Variants in PIK3C3 observed in about 807,000 individuals in gnomAD.
The protein encoded by PIK3C3 is phosphatidylinositol 3-kinase catalytic subunit type 3.
In PIK3C3, 95 loss-of-function variants were observed where a neutral mutation model predicts 126.1. The ratio of observed to expected loss-of-function variants is 0.75; its 90% CI spans 0.64 to 0.89. The LOEUF (loss-of-function observed/expected upper bound fraction) is 0.89, where lower values mean the gene tolerates loss of function less well. PIK3C3 is among the 40% of genes least tolerant of loss of function. The probability of loss-of-function intolerance (pLI) is 0.00; values close to 1 mark genes in which losing one functional copy is unlikely to be tolerated. For missense variants in PIK3C3, 829 were observed against 1,063.2 expected (o/e 0.78, Z 3.06); for synonymous variants, 374 against 360.0 (o/e 1.04, Z -0.44).
chr18:42,037,411 T>C (rs1362604512), intron 16 of PIK3C3, among the ~76,000 whole-genome samples: 2 of 152,354 alleles, frequency 1.3e-5, no homozygotes, highest in South Asian at 4.1e-4. Flanking sequence ...TTAAAGGATA[T>C]GCATAAGACT....
rs1251977194 is a variant in PIK3C3, at chr18:42,049,590, T to C, written c.2248T>C (p.Leu750=). 6.2e-7 allele frequency: 1 copy of C among 1,612,726 alleles called. No individual in the cohort carries two copies. The highest frequency in any genetic ancestry group is 8.5e-7 in the Non-Finnish European group (1 of 1,178,732). ...TGGAGACAGGCACCTGGATAACCTT[T>C]TGCTAACAAAAACAGGTAACAATTA... The part of the protein sequence containing the change: ...GVGDRHLDNL[L]LTKTGKLFHI... The change falls in exon 21 of 25, where the codon TTG becomes CTG. Residue 750 remains leucine (L), a synonymous_variant. Transcript: ENST00000262039.
chr18:42,080,901 C>T (rs1006139149), intron 24 of PIK3C3, among the ~76,000 whole-genome samples: 1 of 152,150 alleles, frequency 6.6e-6, no homozygotes, highest in African/African-American at 2.4e-5. Flanking sequence ...AGTCAGCAGA[C>T]ACCCTCTCCT....
intron 6 of PIK3C3, among the ~76,000 whole-genome samples, chr18:41,991,864 A>G (rs1359744421): frequency 3.3e-5 from 5 of 152,204 alleles, no homozygotes; most frequent in African/African-American, 7.2e-5. Flanking sequence ...CATCAAAACA[A>G]GGGAAATGTG....
At chr18:41,967,794 T>G (rs1443358987) in intron 3 of PIK3C3, among the ~76,000 whole-genome samples, 1 of 152,200 alleles carries the variant, frequency 6.6e-6, no homozygotes, top group Non-Finnish European at 1.5e-5. Flanking sequence ...TTGCAGTTGT[T>G]TTTTCTAAAT....
At chr18:42,051,476 A>G (rs1024752815) in intron 21 of PIK3C3, among the ~76,000 whole-genome samples, 14 of 151,946 alleles carry the variant, frequency 9.2e-5, no homozygotes. Flanking sequence ...AGAATAATCT[A>G]TTAATATAAT....
At chr18:42,080,345 T>G (rs755266445) in intron 24 of PIK3C3, among the ~76,000 whole-genome samples, 3 of 152,192 alleles carry the variant, frequency 2.0e-5, no homozygotes, top group Non-Finnish European at 4.4e-5. Context: ...ATTTTTCACA[T>G]TTGTACATGT....
chr18:42,049,137 A>C (rs1294257754), intron 20 of PIK3C3, among the ~76,000 whole-genome samples: 1 of 152,206 alleles, frequency 6.6e-6, no homozygotes, highest in Non-Finnish European at 1.5e-5. Context: ...CCACAGACTT[A>C]AAAAACAATT....
chr18:42,073,234 G>C (rs1368223116), intron 24 of PIK3C3, among the ~76,000 whole-genome samples: 2 of 152,216 alleles, frequency 1.3e-5, no homozygotes, highest in Non-Finnish European at 2.9e-5. Context: ...CTCATCACTT[G>C]CAGTGTTCAA....
rs779506033 is a variant in PIK3C3 at position 42,058,051 on chromosome 18, G to A, written c.2432G>A (p.Arg811Lys). 1 of 1,570,882 alleles carries A rather than the reference G, an allele frequency of 6.4e-7. No homozygotes were observed. Among genetic ancestry groups the A allele is most frequent in the African/African-American group, 1.4e-5 (1 of 72,502 alleles). The change falls in exon 22 of 25, where the codon AGG (arginine) becomes AAG (lysine). Residue 811 changes from arginine (R) to lysine (K), a missense_variant and splice_region_variant. Physicochemically the swap from Arg to Lys is conservative, Grantham distance 26. Around this residue, in one of 4 missense-constraint regions of PIK3C3, gnomAD observed 196 missense variants for 312.8 expected, o/e 0.63. Coordinates refer to ENST00000262039, the MANE Select transcript of PIK3C3 (RefSeq NM_002647.4). ...QCYTAFLHLR[R>K]YSNLILNLFS... ...TACACGGCTTTCCTCCACCTGCGAA[G>A]GTAAGTTGATTTGCTTGGCACAGAG...
At chr18:42,022,405 G>A (rs534710373) in intron 13 of PIK3C3, among the ~76,000 whole-genome samples, 15 of 152,050 alleles carry the variant, frequency 9.9e-5, no homozygotes, top group Non-Finnish European at 1.3e-4. Flanking sequence ...CTGTCCTTGC[G>A]ACAGTTTGCT....
At chr18:41,976,256 C>T (rs1180095601) in intron 4 of PIK3C3, among the ~76,000 whole-genome samples, 1 of 151,924 alleles carries the variant, frequency 6.6e-6, no homozygotes, top group African/African-American at 2.4e-5. Flanking sequence ...GGGTACTTGT[C>T]CTAGAGCATT....
rs376041430 is a variant in PIK3C3, at chr18:42,081,106, C to T, written c.2650-17C>T. 4.1e-6 allele frequency: 6 copies of T among 1,454,910 alleles called. No homozygotes were observed. Among genetic ancestry groups the T allele is most frequent in the Non-Finnish European group, 4.8e-6 (5 of 1,046,352 alleles). 90.1% of individuals were successfully genotyped at this position (1,454,910 alleles called of 1,614,324 possible). On this transcript the variant is annotated splice_polypyrimidine_tract_variant and intron_variant, in intron 24 of 24. Transcript: ENST00000262039. ...TAAGTAAATTATTTTCTGTTTATTT[C>T]TTTTTAATTTTTGTAGTACTGGAGA...
intron 24 of PIK3C3, among the ~76,000 whole-genome samples, chr18:42,077,568 G>GT (rs1425100490): frequency 1.3e-5 from 2 of 152,200 alleles, no homozygotes; most frequent in African/African-American, 4.8e-5. Context: ...ATCTGCTCAA[G>GT]TTTTATCATG....
chr18:41,980,329 C>T (rs936607871), intron 4 of PIK3C3, among the ~76,000 whole-genome samples: 1 of 152,112 alleles, frequency 6.6e-6, no homozygotes, highest in Admixed American at 6.6e-5. Context: ...TAGGTTATAG[C>T]TCAAGTAGCT....
chr18:42,014,773 T>G (rs1213455271), intron 11 of PIK3C3, among the ~76,000 whole-genome samples: 1 of 152,214 alleles, frequency 6.6e-6, no homozygotes, highest in African/African-American at 2.4e-5. Context: ...GAATTTTTCT[T>G]TATGATTATG....
chr18:42,042,160 G>C lies in PIK3C3; in HGVS notation c.2103+1419G>C, dbSNP rs1984351860. 2.0e-5 allele frequency among the ~76,000 whole-genome samples: 3 copies of C among 152,182 alleles called. No homozygotes were observed. The South Asian group carries it at 6.2e-4, about 32-fold the overall frequency. ...GAGGTTGCCTGGGTCACCAGTTCCT[G>C]ATAAAACCTTGGGTTCTAAGTCTCT... On this transcript the variant is annotated intron_variant, in intron 19 of 24. Coordinates refer to ENST00000262039, the MANE Select transcript of PIK3C3 (RefSeq NM_002647.4).
intron 13 of PIK3C3, 140 bp from the exon 14 acceptor site, chr18:42,027,303 T>G: frequency 2.4e-6 from 1 of 408,370 alleles, no homozygotes; most frequent in East Asian, 4.0e-5. Flanking sequence ...TTAAAAGTGA[T>G]GATAAAATGT....
chr18:42,031,943 A>G (rs2144448396), intron 15 of PIK3C3, among the ~76,000 whole-genome samples: 1 of 152,322 alleles, frequency 6.6e-6, no homozygotes, highest in Middle Eastern at 3.4e-3. Context: ...CTCGTTGAAG[A>G]GAGTAAATGC....
chr18:41,957,848 G>GTATTAAGA, intron 2 of PIK3C3, 90 bp downstream of exon 2: 1 of 986,104 alleles, frequency 1.0e-6, no homozygotes, highest in Non-Finnish European at 1.5e-6. Flanking sequence ...GATTATAGAG[G>GTATTAAGA]AATTTCTTAA....
Sources: allele counts gnomAD v4.1 joint callset (sites outside exome capture counted in the v4.1 genomes callset), GRCh38; gene constraint gnomAD v4.1.1; regional missense constraint gnomAD v4.1.1; transcripts MANE v1.5; gene names NCBI Gene and HGNC (gene_info 2026-07-23, HGNC 2026-07-21).